The following DAAM1 variants were observed in gnomAD, a reference collection of about 807,000 sequenced individuals.
DAAM1 encodes dishevelled associated activator of morphogenesis 1.
In DAAM1, 52 loss-of-function variants were observed where a neutral mutation model predicts 130.0. The ratio of observed to expected loss-of-function variants is 0.40; its 90% CI spans 0.32 to 0.50. DAAM1 has a LOEUF of 0.50. DAAM1 is among the 20% of genes least tolerant of loss of function. DAAM1 has a pLI of 0.61. For missense variants in DAAM1, 1,134 were observed against 1,303.8 expected, an observed-to-expected ratio of 0.87 and a Z score of 2.01; for synonymous variants, 452 against 444.5, an observed-to-expected ratio of 1.02 and a Z score of -0.21.
intron 1 of DAAM1, among the ~76,000 whole-genome samples, chr14:59,255,033 G>A (rs1175315460): frequency 1.3e-5 from 2 of 152,236 alleles, no homozygotes; most frequent in African/African-American, 4.8e-5. Context: ...TGCCTATGCT[G>A]AGGCAGAGAG....
chr14:59,216,944 C>T (rs1436900618), intron 1 of DAAM1, among the ~76,000 whole-genome samples: 2 of 151,696 alleles, frequency 1.3e-5, no homozygotes, highest in African/African-American at 4.8e-5. Context: ...TGTTTGTAGC[C>T]CAGCGATGCT....
intron 1 of DAAM1, among the ~76,000 whole-genome samples, chr14:59,212,042 TA>T (rs1888440608): frequency 6.6e-6 from 1 of 152,224 alleles, no homozygotes; most frequent in African/African-American, 2.4e-5. Flanking sequence ...TCACATTTTG[TA>T]ACTTTCTTTA....
chr14:59,301,792 T>A (rs943375863), intron 3 of DAAM1, among the ~76,000 whole-genome samples: 9 of 152,360 alleles, frequency 5.9e-5, no homozygotes, highest in African/African-American at 2.2e-4. Context: ...ACTTGCTGTC[T>A]ATCCCCCATT....
chr14:59,310,390 C>T (rs991418865), intron 3 of DAAM1, among the ~76,000 whole-genome samples: 1 of 152,162 alleles, frequency 6.6e-6, no homozygotes, highest in Non-Finnish European at 1.5e-5. Flanking sequence ...ACCTCAGTCT[C>T]CCAAAGTGCT....
Position 59,359,457 on chromosome 14 carries a change from C to A in DAAM1, c.2586C>A (p.Leu862=), listed in dbSNP as rs1433938920. 1 of 1,613,756 alleles carries A rather than the reference C, an allele frequency of 6.2e-7. No homozygotes were observed. The highest frequency in any genetic ancestry group is 1.1e-5 in the South Asian group (1 of 91,064). The change falls in exon 21 of 25, where the codon CTC becomes CTA. Residue 862 remains leucine (L), a synonymous_variant. Coordinates refer to ENST00000360909, the MANE Select transcript of DAAM1 (RefSeq NM_001270520.2). The part of the protein sequence containing the change: ...TIVENKYPSV[L]NLNEELRDIP... ...TGGAAAATAAGTACCCCAGTGTTCTCAATCTAAATGAAGAATTGCGAGATA... is the reference window on the plus strand; with the variant it reads ...TGGAAAATAAGTACCCCAGTGTTCTAAATCTAAATGAAGAATTGCGAGATA...
chr14:59,366,919 TAA>T (rs377198440), intron 23 of DAAM1, among the ~76,000 whole-genome samples: 19 of 144,256 alleles, frequency 1.3e-4, no homozygotes, highest in African/African-American at 2.6e-4. Flanking sequence ...CCCCATCTAT[TAA>T]AAAAAAAAAA....
At chr14:59,192,965 A>G (rs1887775708) in intron 1 of DAAM1, among the ~76,000 whole-genome samples, 1 of 152,224 alleles carries the variant, frequency 6.6e-6, no homozygotes, top group Admixed American at 6.5e-5. Flanking sequence ...AGGCAGGAGA[A>G]TGTCCTGAAC....
chr14:59,358,556 C>T (rs1886575241), intron 20 of DAAM1, among the ~76,000 whole-genome samples: 1 of 152,068 alleles, frequency 6.6e-6, no homozygotes, highest in Admixed American at 6.6e-5. Flanking sequence ...TAAAAACTAT[C>T]AGTAGGCCAG....
At chr14:59,301,438 T>A (rs1884168754) in intron 3 of DAAM1, among the ~76,000 whole-genome samples, 1 of 152,080 alleles carries the variant, frequency 6.6e-6, no homozygotes, top group Non-Finnish European at 1.5e-5. Flanking sequence ...TGGTTTGCTC[T>A]GTGTACAGTT....
rs532848333 is a variant in DAAM1 at position 59,335,559 on chromosome 14, G to A, written c.1968+3639G>A. Among the ~76,000 whole-genome samples, 7 of 152,190 alleles carry A rather than the reference G, an allele frequency of 4.6e-5. No homozygotes were observed. In the South Asian group the frequency reaches 1.5e-3, roughly 32 times the overall value. ...TTCATTTCTCTCTATCCATACAATT[G>A]AATAGAGGGGAAATGAGCTAAAGGC... On this transcript the variant is annotated intron_variant, in intron 15 of 24. Transcript: ENST00000360909.
chr14:59,208,329 A>G (rs199912229), intron 1 of DAAM1, among the ~76,000 whole-genome samples: 1 of 152,136 alleles, frequency 6.6e-6, no homozygotes. Flanking sequence ...CCCCTTCCTT[A>G]TGAGCCTTTA....
intron 1 of DAAM1, among the ~76,000 whole-genome samples, chr14:59,223,671 G>A (rs1888848240): frequency 6.6e-6 from 1 of 152,306 alleles, no homozygotes; most frequent in Non-Finnish European, 1.5e-5. Context: ...CAGTAAGTGG[G>A]CTAGAGTAAC....
chr14:59,340,270 G>A (rs1350754934), intron 16 of DAAM1, 90 bp downstream of exon 16: 6 of 1,234,950 alleles, frequency 4.9e-6, no homozygotes, highest in Non-Finnish European at 6.9e-6. Context: ...TGTTTTAATT[G>A]TACTCTGCTG....
At position 59,324,191 on chromosome 14, in the gene DAAM1, G is replaced by A; in HGVS notation, c.838G>A (p.Ala280Thr). The change falls in exon 7 of 25, where the codon GCC becomes ACC. Residue 280 changes from alanine to threonine, a missense_variant. By Grantham distance (58) the Ala-to-Thr change is moderately conservative. This residue lies in a region of DAAM1 where 391 missense variants were observed against 521.6 expected (regional missense o/e 0.75). Transcript: ENST00000360909. ...RYRDEVSLKT[A>T]IMSFINAVLS... Reference sequence around the variant, plus strand: ...TCGAGATGAAGTGAGTCTCAAGACTGCCATCATGTCCTTCATTAATGCAGT... The same window carrying A: ...TCGAGATGAAGTGAGTCTCAAGACTACCATCATGTCCTTCATTAATGCAGT... 2 of 1,464,502 alleles carry A rather than the reference G, an allele frequency of 1.4e-6. No individual in the cohort carries two copies. Among genetic ancestry groups the A allele is most frequent in the Non-Finnish European group, 1.8e-6 (2 of 1,099,776 alleles). The allele number at this position is 1,464,502 out of a possible 1,614,324, so 90.7% of individuals were successfully genotyped here.
chr14:59,296,855 T>C (rs1188530217), intron 3 of DAAM1, among the ~76,000 whole-genome samples: 1 of 152,242 alleles, frequency 6.6e-6, no homozygotes, highest in African/African-American at 2.4e-5. Context: ...ATCTAATCTT[T>C]ACTAAACACA....
chr14:59,356,762 T>A (rs1886498243), intron 20 of DAAM1, among the ~76,000 whole-genome samples: 1 of 152,262 alleles, frequency 6.6e-6, no homozygotes, highest in Non-Finnish European at 1.5e-5. Flanking sequence ...ACCTGGCACT[T>A]ACGTGATTAT....
In DAAM1 at chr14:59,327,917, C is replaced by T. The variant is rs529237331; in HGVS notation, c.1372+926C>T. On this transcript the variant is annotated intron_variant, in intron 12 of 24. Transcript: ENST00000360909. ...ACATTTATGTCCATCAGTGTACCAG[C>T]CATACAGAGAAATGTATGTAATTTT... Among the ~76,000 whole-genome samples, 3 of 152,272 alleles carry T rather than the reference C, an allele frequency of 2.0e-5. No homozygotes were observed. The East Asian group carries it at 5.8e-4, about 29-fold the overall frequency.
At chr14:59,340,592 C>T (rs1324723620) in intron 16 of DAAM1, among the ~76,000 whole-genome samples, 4 of 152,140 alleles carry the variant, frequency 2.6e-5, no homozygotes, top group Admixed American at 2.0e-4. Flanking sequence ...TTTTTCATTT[C>T]AAGGTTATAT....
intron 19 of DAAM1, among the ~76,000 whole-genome samples, 171 bp downstream of exon 19, chr14:59,354,135 A>G (rs1455462253): frequency 6.6e-6 from 1 of 150,720 alleles, no homozygotes; most frequent in Non-Finnish European, 1.5e-5. Context: ...ATCTTGGCTC[A>G]GTGCAAGCTC....
Sources: allele counts gnomAD v4.1 joint callset (sites outside exome capture counted in the v4.1 genomes callset), GRCh38; gene constraint gnomAD v4.1.1; regional missense constraint gnomAD v4.1.1; transcripts MANE v1.5; gene names NCBI Gene and HGNC (gene_info 2026-07-23, HGNC 2026-07-21).